The following GPALPP1 variants were observed in gnomAD, a reference collection of about 807,000 sequenced individuals.
GPALPP1 encodes the protein GPALPP motifs containing 1.
Under a neutral mutation model 38.9 loss-of-function variants are expected in GPALPP1, and 30 were observed. That is an observed-to-expected ratio of 0.77 (90% confidence interval 0.58 to 1.05). The LOEUF (loss-of-function observed/expected upper bound fraction) is 1.05. GPALPP1 is among the 50% of genes least tolerant of loss of function. The probability of loss-of-function intolerance (pLI) is 0.00; values close to 1 mark genes in which losing one functional copy is unlikely to be tolerated. For missense variants in GPALPP1, 384 were observed against 408.8 expected, an observed-to-expected ratio of 0.94 and a Z score of 0.52; for synonymous variants, 120 against 139.2, an observed-to-expected ratio of 0.86 and a Z score of 0.97.
chr13:44,997,615 TCTCA>T (rs1873385840), intron 1 of GPALPP1, among the ~76,000 whole-genome samples: 1 of 152,196 alleles, frequency 6.6e-6, no homozygotes, highest in Non-Finnish European at 1.5e-5. Flanking sequence ...CATTCATTGT[TCTCA>T]CTCAAGTTAC....
intron 3 of GPALPP1, among the ~76,000 whole-genome samples, chr13:45,007,233 C>A (rs1392611810): frequency 6.6e-6 from 1 of 151,850 alleles, no homozygotes; most frequent in Non-Finnish European, 1.5e-5. Context: ...TTTGCTGACC[C>A]CTAGGATGTA....
At chr13:44,989,904 A>C in intron 1 of GPALPP1, 162 bp downstream of exon 1, 1 of 607,164 alleles carries the variant, frequency 1.6e-6, no homozygotes, top group Non-Finnish European at 2.9e-6. Flanking sequence ...AGCAGGGGGG[A>C]GGAGGCTGGG....
chr13:45,018,602 A>G (rs1875051161), intron 6 of GPALPP1, among the ~76,000 whole-genome samples: 1 of 152,062 alleles, frequency 6.6e-6, no homozygotes, highest in Admixed American at 6.5e-5. Flanking sequence ...GGGAAAATGT[A>G]GAAATGAGCT....
intron 2 of GPALPP1, among the ~76,000 whole-genome samples, chr13:45,005,877 T>G (rs1430666811): frequency 6.6e-6 from 1 of 151,880 alleles, no homozygotes; most frequent in Admixed American, 6.6e-5. Flanking sequence ...AATACAAAAA[T>G]TAGCTGGGCG....
chr13:45,013,922 C>G (rs1874652398), intron 4 of GPALPP1, among the ~76,000 whole-genome samples: 1 of 152,004 alleles, frequency 6.6e-6, no homozygotes, highest in Non-Finnish European at 1.5e-5. Context: ...TAATTTAATA[C>G]CCATAGATAG....
chr13:45,036,394 C>A (rs1392712650), exon 8 of GPALPP1: 1 of 152,244 alleles, frequency 6.6e-6, no homozygotes, highest in African/African-American at 2.4e-5. Context: ...CTGAATGCCT[C>A]AGGAATGCAG....
chr13:45,006,663 T>C (rs1241965144), intron 3 of GPALPP1, among the ~76,000 whole-genome samples: 2 of 152,188 alleles, frequency 1.3e-5, no homozygotes, highest in South Asian at 4.1e-4. Context: ...TTCAGTTGTT[T>C]TCTTAATTAT....
chr13:44,989,761 G>A lies in GPALPP1; in HGVS notation c.88+19G>A. ...AGCCCTGGTAAGCGGCGGCGTCTCC[G>A]CTGCCCACCAGGCCCATCTACCCAC... On this transcript the variant is annotated intron_variant, in intron 1 of 7. Transcript: ENST00000379151. 5 of 1,583,180 alleles carry A rather than the reference G, an allele frequency of 3.2e-6. No individual in the cohort carries two copies. Among genetic ancestry groups the A allele is most frequent in the Non-Finnish European group, 4.3e-6 (5 of 1,160,202 alleles).
chr13:45,029,726 T>C lies in GPALPP1; in HGVS notation c.*1723T>C, dbSNP rs1420410921. 1 of 152,208 alleles carries C rather than the reference T, an allele frequency of 6.6e-6. No homozygotes were observed. Among genetic ancestry groups the C allele is most frequent in the African/African-American group, 2.4e-5 (1 of 41,448 alleles). 9.4% of individuals were successfully genotyped at this position (152,208 alleles called of 1,614,324 possible). On this transcript the variant is annotated 3_prime_UTR_variant, in exon 8 of 8. Coordinates refer to ENST00000379151, the MANE Select transcript of GPALPP1 (RefSeq NM_018559.5). Reference sequence around the variant, plus strand: ...CAAATTTACTTGAAAATAGAGGGTATGGGGTTTTGCCTGTTTTGTAATCAG... The same window carrying C: ...CAAATTTACTTGAAAATAGAGGGTACGGGGTTTTGCCTGTTTTGTAATCAG...
downstream of GPALPP1, chr13:45,033,662 A>G (rs1876307748): frequency 6.6e-6 from 1 of 152,208 alleles, no homozygotes; most frequent in African/African-American, 2.4e-5. Flanking sequence ...TGAAGCAGGC[A>G]GTATTGGTAA....
intron 1 of GPALPP1, among the ~76,000 whole-genome samples, chr13:44,993,588 T>A (rs907326770): frequency 1.2e-4 from 18 of 151,720 alleles, no homozygotes; most frequent in South Asian, 8.3e-4. Flanking sequence ...AGGCTGAGGC[T>A]TGAGAATCAC....
intron 1 of GPALPP1, among the ~76,000 whole-genome samples, chr13:44,995,806 G>T (rs762706291): frequency 6.6e-6 from 1 of 152,202 alleles, no homozygotes; most frequent in Non-Finnish European, 1.5e-5. Context: ...CTGAGATTCT[G>T]CATTTCTGAC....
At chr13:45,016,453 CA>C (rs895241580) in intron 6 of GPALPP1, among the ~76,000 whole-genome samples, 2 of 147,470 alleles carry the variant, frequency 1.4e-5, no homozygotes, top group South Asian at 4.3e-4. Flanking sequence ...GACTCCATCT[CA>C]AAAAAAAACA....
intron 3 of GPALPP1, among the ~76,000 whole-genome samples, chr13:45,008,043 G>C (rs988044690): frequency 3.3e-5 from 5 of 152,160 alleles, no homozygotes; most frequent in Non-Finnish European, 5.9e-5. Flanking sequence ...AGTAGACCAG[G>C]GTTTAAACTC....
At chr13:45,000,260 A>T (rs1475455396) in intron 1 of GPALPP1, among the ~76,000 whole-genome samples, 1 of 152,128 alleles carries the variant, frequency 6.6e-6, no homozygotes, top group Non-Finnish European at 1.5e-5. Flanking sequence ...TCAAAAAAAT[A>T]AATAAAATAA....
chr13:45,024,882 T>C (rs999150312), intron 7 of GPALPP1, among the ~76,000 whole-genome samples: 3 of 152,106 alleles, frequency 2.0e-5, no homozygotes, highest in African/African-American at 7.2e-5. Context: ...GACCCCGCCA[T>C]TGCCCTCCAG....
intron 4 of GPALPP1, among the ~76,000 whole-genome samples, chr13:45,012,923 G>A (rs1874582711): frequency 6.6e-6 from 1 of 152,168 alleles, no homozygotes; most frequent in African/African-American, 2.4e-5. Flanking sequence ...CACTGCAACA[G>A]CAGCATAAAC....
At chr13:45,024,575 A>T (rs1032541808) in intron 7 of GPALPP1, among the ~76,000 whole-genome samples, 6 of 149,824 alleles carry the variant, frequency 4.0e-5, no homozygotes, top group African/African-American at 1.5e-4. Context: ...CTGGGATTAC[A>T]GGTGTGAGCC....
chr13:45,018,257 C>T (rs1431553691), intron 6 of GPALPP1, among the ~76,000 whole-genome samples: 1 of 151,986 alleles, frequency 6.6e-6, no homozygotes, highest in African/African-American at 2.4e-5. Flanking sequence ...ATTAGCCAGG[C>T]GTGGTGGCGG....
Sources: gnomAD v4.1 joint callset for allele counts (sites outside exome capture counted in the v4.1 genomes callset) on GRCh38, gnomAD v4.1.1 for gene constraint, MANE v1.5 for transcripts, NCBI Gene and HGNC (gene_info 2026-07-23, HGNC 2026-07-21) for gene names.